The following CALN1 variants were observed in gnomAD, a reference collection of about 807,000 sequenced individuals.
The protein encoded by CALN1 is calcium-binding protein 8.
Under a neutral mutation model 30.6 loss-of-function variants are expected in CALN1, and 17 were observed. That is an observed-to-expected ratio of 0.56 (90% CI 0.38 to 0.83). The LOEUF is 0.83. CALN1 is among the 40% of genes least tolerant of loss of function. The pLI is 0.00. For missense variants in CALN1, 291 were observed against 354.9 expected, an observed-to-expected ratio of 0.82 and a Z score of 1.45; for synonymous variants, 156 against 131.4, an observed-to-expected ratio of 1.19 and a Z score of -1.28.
At chr7:72,083,358 G>A (rs1381157343) in intron 4 of CALN1, among the ~76,000 whole-genome samples, 1 of 151,992 alleles carries the variant, frequency 6.6e-6, no homozygotes. Flanking sequence ...AACAAATTGG[G>A]GGTTTGAGCA....
At chr7:72,410,007 G>A (rs533165076) in intron 1 of CALN1, among the ~76,000 whole-genome samples, 22 of 152,252 alleles carry the variant, frequency 1.4e-4, no homozygotes, top group Non-Finnish European at 1.3e-4. Context: ...CCCACAAAAA[G>A]AATTTATTTT....
At chr7:72,290,731 T>C (rs1798423264) in intron 2 of CALN1, among the ~76,000 whole-genome samples, 1 of 152,178 alleles carries the variant, frequency 6.6e-6, no homozygotes, top group Admixed American at 6.5e-5. Flanking sequence ...CTCCTCAAAT[T>C]ATTTGCAAAT....
chr7:72,308,482 G>A (rs374164093), intron 2 of CALN1, among the ~76,000 whole-genome samples: 3 of 152,060 alleles, frequency 2.0e-5, no homozygotes, highest in East Asian at 3.9e-4. Flanking sequence ...CCCTCCCAGT[G>A]TCAAGCCCAA....
At chr7:72,376,801 T>C (rs1224351137) in intron 2 of CALN1, among the ~76,000 whole-genome samples, 5 of 152,232 alleles carry the variant, frequency 3.3e-5, no homozygotes, top group African/African-American at 1.2e-4. Flanking sequence ...TCATGAGATT[T>C]ACACCTGTTT....
chr7:72,437,811 CCTT>C (rs1420968804), intron 1 of CALN1, among the ~76,000 whole-genome samples: 6 of 141,726 alleles, frequency 4.2e-5, no homozygotes, highest in African/African-American at 1.6e-4. Context: ...TACCTTCCTT[CCTT>C]CTTTCCTTCC....
intron 3 of CALN1, among the ~76,000 whole-genome samples, chr7:72,230,641 G>C (rs1347866710): frequency 6.6e-6 from 1 of 152,086 alleles, no homozygotes; most frequent in South Asian, 2.1e-4. Flanking sequence ...ATAGAAGTTC[G>C]ACAAAGCAAG....
chr7:72,500,269 C>CTTTCT, the CALN1 span, among the ~76,000 whole-genome samples: 1 of 51,364 alleles, frequency 1.9e-5, no homozygotes, highest in Non-Finnish European at 3.3e-5. Context: ...TTCGTTCCTT[C>CTTTCT]TTTTTTTTTT....
chr7:72,412,427 G>A (rs575565167), upstream of CALN1: 3 of 152,272 alleles, frequency 2.0e-5, no homozygotes, highest in South Asian at 6.2e-4. Context: ...GTGCTGATTG[G>A]TCCATTTTAC....
At chr7:72,068,668 T>G (rs1399165682) in intron 4 of CALN1, among the ~76,000 whole-genome samples, 1 of 152,182 alleles carries the variant, frequency 6.6e-6, no homozygotes, top group Non-Finnish European at 1.5e-5. Flanking sequence ...TTAAATTATT[T>G]TTAGCAGACA....
At chr7:71,814,638 C>T (rs962922931) in intron 5 of CALN1, among the ~76,000 whole-genome samples, 9 of 152,104 alleles carry the variant, frequency 5.9e-5, no homozygotes, top group African/African-American at 1.7e-4. Context: ...AAGACCAACA[C>T]CTCCTCTTCC....
intron 2 of CALN1, among the ~76,000 whole-genome samples, chr7:72,313,508 T>A (rs1288811601): frequency 6.6e-6 from 1 of 152,184 alleles, no homozygotes; most frequent in East Asian, 1.9e-4. Flanking sequence ...AGCTCCCAAC[T>A]CAGCCTCCAG....
chr7:72,137,330 G>GGT (rs1292956449), intron 3 of CALN1, among the ~76,000 whole-genome samples: 8 of 152,112 alleles, frequency 5.3e-5, no homozygotes, highest in African/African-American at 1.9e-4. Context: ...TTACAACGGT[G>GGT]GTGTTTTGTT....
intron 5 of CALN1, among the ~76,000 whole-genome samples, chr7:72,003,180 TATTA>T (rs531480583): frequency 8.7e-4 from 133 of 152,346 alleles, no homozygotes; most frequent in African/African-American, 1.8e-3. Context: ...AAATTAATCC[TATTA>T]ATTAACACAA....
chr7:72,252,685 T>C (rs2129552176), intron 3 of CALN1, among the ~76,000 whole-genome samples: 1 of 151,282 alleles, frequency 6.6e-6, no homozygotes, highest in East Asian at 1.9e-4. Flanking sequence ...CCTTCCAACC[T>C]CCAGGGCCAC....
upstream of CALN1, among the ~76,000 whole-genome samples, chr7:72,413,249 T>A (rs1211965037): frequency 2.0e-5 from 3 of 148,696 alleles, no homozygotes; most frequent in East Asian, 6.1e-4. Context: ...ACACCACACA[T>A]ACACACATAT....
At chr7:72,002,298 A>G (rs1275778616) in intron 5 of CALN1, among the ~76,000 whole-genome samples, 1 of 152,232 alleles carries the variant, frequency 6.6e-6, no homozygotes, top group Non-Finnish European at 1.5e-5. Flanking sequence ...TACCTTAAAC[A>G]TGCTCAGAAC....
chr7:72,453,707 G>A, the CALN1 span, among the ~76,000 whole-genome samples: 18 of 152,096 alleles, frequency 1.2e-4, no homozygotes, highest in Non-Finnish European at 2.1e-4. Flanking sequence ...TTTCCTGACC[G>A]GACAAGAATT....
chr7:72,271,390 A>T (rs1411953734), intron 3 of CALN1, among the ~76,000 whole-genome samples: 1 of 151,418 alleles, frequency 6.6e-6, no homozygotes, highest in African/African-American at 2.4e-5. Context: ...TGCATGGTGA[A>T]TATCTATCTT....
chr7:72,033,071 T>G (rs1416122423), intron 4 of CALN1, among the ~76,000 whole-genome samples: 1 of 152,188 alleles, frequency 6.6e-6, no homozygotes, highest in Non-Finnish European at 1.5e-5. Flanking sequence ...CAGGCCTCAT[T>G]TTCCCTTCTC....
Sources: gnomAD v4.1 joint callset for allele counts (sites outside exome capture counted in the v4.1 genomes callset) on GRCh38, gnomAD v4.1.1 for gene constraint, MANE v1.5 for transcripts, NCBI Gene and HGNC (gene_info 2026-07-23, HGNC 2026-07-21) for gene names.